SLC10A3: variants seen among roughly 807,000 people sequenced by gnomAD.
SLC10A3 encodes P3 protein.
A neutral mutation model predicts 1.9 loss-of-function variants in SLC10A3; 1 was observed. The ratio of observed to expected loss-of-function variants is 0.52; its 90% confidence interval spans 0.19 to 2.48. The LOEUF (loss-of-function observed/expected upper bound fraction) is 2.48. SLC10A3 is among the 30% of genes most tolerant of loss of function. The probability of loss-of-function intolerance (pLI) is 0.25; values close to 1 mark genes in which losing one functional copy is unlikely to be tolerated. For missense variants in SLC10A3, 317 were observed against 398.5 expected, an observed-to-expected ratio of 0.80 and a Z score of 1.74; for synonymous variants, 202 against 189.3, an observed-to-expected ratio of 1.07 and a Z score of -0.55.
Position 154,487,450 on chromosome X carries a change from A to G in SLC10A3, c.*57T>C. ...CTGGATTTTTCTGAGTGCATAGTGCATGAGAACTTTGGTGGAGTGTGGGGG... is the reference window on the plus strand; with the variant it reads ...CTGGATTTTTCTGAGTGCATAGTGCGTGAGAACTTTGGTGGAGTGTGGGGG... On this transcript the variant is annotated 3_prime_UTR_variant, in exon 2 of 2. Transcript: ENST00000651600. 19 of 1,192,191 alleles carry G rather than the reference A, an allele frequency of 1.6e-5. No individual in the cohort carries two copies. The highest frequency in any genetic ancestry group is 2.0e-5 in the Non-Finnish European group (18 of 882,887).
chrX:154,488,981 C>A lies in SLC10A3; in HGVS notation c.-41G>T. On this transcript the variant is annotated 5_prime_UTR_variant, in exon 2 of 2. Coordinates refer to ENST00000651600, the MANE Select transcript of SLC10A3 (RefSeq NM_019848.5). ...ACGGATGGCGTGCCCAGGCCCTCTG[C>A]GGCTTAGGAGAACATCCCCACTGGT... is the stretch of plus-strand genomic sequence containing the variant. 1 of 1,175,270 alleles carries A rather than the reference C, an allele frequency of 8.5e-7. No homozygotes were observed. Among genetic ancestry groups the A allele is most frequent in the Non-Finnish European group, 1.1e-6 (1 of 876,980 alleles).
Position 154,487,748 on chromosome X carries a change from A to G in SLC10A3, c.1193T>C (p.Leu398Ser), listed in dbSNP as rs782208966. The G allele has an allele frequency of 8.3e-7, 1 of 1,211,361 alleles. No homozygotes were observed. Among genetic ancestry groups the G allele is most frequent in the Admixed American group, 2.2e-5 (1 of 46,106 alleles). ...VGITVPLVGL[L>S]VGYCLATCLK... is the part of the protein sequence containing the mutation. ...ACACGTGGCTAGGCAGTAGCCCACC[A>G]ACAGGCCAACCAGGGGCACCGTGAT... The change falls in exon 2 of 2, where the codon TTG becomes TCG. Residue 398 changes from leucine to serine, a missense_variant. Leu to Ser is a moderately radical substitution (Grantham distance 145, BLOSUM62 -2). Transcript: ENST00000651600.
Position 154,490,308 on chromosome X carries a change from T to C in SLC10A3, c.-144A>G, listed in dbSNP as rs1303760231. On this transcript the variant is annotated splice_region_variant and 5_prime_UTR_variant, in exon 1 of 2. Coordinates refer to ENST00000651600, the MANE Select transcript of SLC10A3 (RefSeq NM_019848.5). Reference sequence around the variant, plus strand: ...GTGCTAACAGGGGCTCCTCCCTACCTGGGAGTCCGGAAGTTGTCGGACGGG... The same window carrying C: ...GTGCTAACAGGGGCTCCTCCCTACCCGGGAGTCCGGAAGTTGTCGGACGGG... 5.1e-6 allele frequency: 4 copies of C among 788,550 alleles called. No individual in the cohort carries two copies. The highest frequency in any genetic ancestry group is 6.0e-6 in the Non-Finnish European group (4 of 662,552). 65.0% of individuals were successfully genotyped at this position (788,550 alleles called of 1,213,427 possible).
chrX:154,489,278 A>T lies in SLC10A3; in HGVS notation c.-142-196T>A, dbSNP rs782175566. The stretch of plus-strand genomic sequence containing the variant: ...ACTCAGGAATGGAGAGGCAATGCCT[A>T]GTGATGGCCCTTGAGTGCCATTCAG... On this transcript the variant is annotated intron_variant, in intron 1 of 1. Transcript: ENST00000651600. 1.1e-5 allele frequency: 8 copies of T among 753,260 alleles called. No homozygotes were observed. In the South Asian group the frequency reaches 3.4e-4, roughly 32 times the overall value. The allele number at this position is 753,260 out of a possible 1,213,427, so 62.1% of individuals were successfully genotyped here.
At chrX:154,490,270 G>C (rs2069366509) in intron 1 of SLC10A3, 37 bp downstream of exon 1, 1 of 836,609 alleles carries the variant, frequency 1.2e-6, no homozygotes, top group Non-Finnish European at 1.4e-6. Context: ...CCAAGTGTTC[G>C]GGGTAACTGG....
chrX:154,489,033 C>A lies in SLC10A3; in HGVS notation c.-93G>T, dbSNP rs947865408. On this transcript the variant is annotated 5_prime_UTR_variant, in exon 2 of 2. It removes an upstream start codon present in the reference 5' UTR. Coordinates refer to ENST00000651600, the MANE Select transcript of SLC10A3 (RefSeq NM_019848.5). ...CTGTTGGGTTGTCCTGAGAAGGGTT[C>A]ATGGGTGGGTCCCAGTCCTGTGCTG... 5 of 1,165,856 alleles carry A rather than the reference C, an allele frequency of 4.3e-6. No individual in the cohort carries two copies. The African/African-American group carries it at 7.2e-5, about 17-fold the overall frequency.
At position 154,490,437 on chromosome X, in the gene SLC10A3, C is replaced by T. The variant is rs782630706; in HGVS notation, c.-273G>A. The T allele has an allele frequency of 1.5e-6, 1 of 659,856 alleles. No homozygotes were observed. Among genetic ancestry groups the T allele is most frequent in the Non-Finnish European group, 1.8e-6 (1 of 553,144 alleles). The allele number at this position is 659,856 out of a possible 1,213,427, so 54.4% of individuals were successfully genotyped here. A position where few individuals can be genotyped will look rare whatever the true frequency, so the allele number is the denominator to read the frequency against. On this transcript the variant is annotated 5_prime_UTR_variant, in exon 1 of 2. Transcript: ENST00000651600. ...CGGGCCGTCTCGGAGTCTGGGGGGG[C>T]CCCTTACGCCATTCCTGGGCCCCGC...
At chrX:154,489,115 G>C (rs1165049276) in intron 1 of SLC10A3, 33 bp from the exon 2 acceptor site, 4 of 1,160,561 alleles carry the variant, frequency 3.4e-6, no homozygotes, top group Non-Finnish European at 4.6e-6. Context: ...GAGGCAGCTG[G>C]TGAGGGTCAC....
In SLC10A3 at chrX:154,488,385, G is replaced by T. The variant is rs1557213739; in HGVS notation, c.556C>A (p.His186Asn). The T allele has an allele frequency of 2.5e-6, 3 of 1,210,034 alleles. No homozygotes were observed. The African/African-American group carries it at 5.2e-5, about 21-fold the overall frequency. ...TPATLSADLA[H>N]FSENPILYLL... is the part of the protein sequence containing the mutation. ...TAGAGGATTGGGTTTTCCGAGAAGTGGGCCAGGTCGGCGCTGAGGGTGGCA... is the reference window on the plus strand; with the variant it reads ...TAGAGGATTGGGTTTTCCGAGAAGTTGGCCAGGTCGGCGCTGAGGGTGGCA... The change falls in exon 2 of 2, where the codon CAC becomes AAC. Residue 186 changes from histidine (H) to asparagine (N), a missense_variant. By Grantham distance (68) the His-to-Asn change is moderately conservative (BLOSUM62 1). Coordinates refer to ENST00000651600, the MANE Select transcript of SLC10A3 (RefSeq NM_019848.5).
Sources: allele counts gnomAD v4.1 joint callset, GRCh38; gene constraint gnomAD v4.1.1; transcripts MANE v1.5; gene names NCBI Gene and HGNC (gene_info 2026-07-23, HGNC 2026-07-21).